The following NRG1 variants were observed in gnomAD, a reference collection of about 807,000 sequenced individuals.
The protein encoded by NRG1 is pro-neuregulin-1, membrane-bound isoform.
NRG1 carries 18 observed loss-of-function variants against 63.8 expected under a neutral mutation model. The observed-to-expected ratio is 0.28, with a 90% CI of 0.19 to 0.42. The LOEUF is 0.42. Among genes scored for constraint, NRG1 ranks in the 10% least tolerant of loss-of-function variants. The pLI is 1.00. For missense variants in NRG1, 762 were observed against 814.7 expected, an observed-to-expected ratio of 0.94 and a Z score of 0.79; for synonymous variants, 302 against 301.3, an observed-to-expected ratio of 1.00 and a Z score of -0.02.
At chr8:32,529,034 A>G (rs1831173763) in intron 1 of NRG1, among the ~76,000 whole-genome samples, 1 of 152,218 alleles carries the variant, frequency 6.6e-6, no homozygotes, top group African/African-American at 2.4e-5. Context: ...TCATTAGGCA[A>G]TTCCCGTCAT....
chr8:31,890,765 C>G (rs928697250), intron 1 of NRG1, among the ~76,000 whole-genome samples: 8 of 152,188 alleles, frequency 5.3e-5, no homozygotes, highest in African/African-American at 1.9e-4. Flanking sequence ...TTTCAATCTG[C>G]ATCTTGAAAA....
intron 1 of NRG1, among the ~76,000 whole-genome samples, chr8:31,869,444 C>G (rs954409121): frequency 6.6e-6 from 1 of 152,202 alleles, no homozygotes; most frequent in Admixed American, 6.5e-5. Context: ...TCCCCACTAG[C>G]ATGCCACTCT....
chr8:32,202,837 T>C (rs915317786), intron 1 of NRG1, among the ~76,000 whole-genome samples: 5 of 150,802 alleles, frequency 3.3e-5, no homozygotes, highest in Admixed American at 2.0e-4. Flanking sequence ...GCCTGGATAT[T>C]GGGGTTTATA....
At chr8:32,699,022 A>G (rs1415923454) in intron 5 of NRG1, among the ~76,000 whole-genome samples, 1 of 152,200 alleles carries the variant, frequency 6.6e-6, no homozygotes, top group African/African-American at 2.4e-5. Flanking sequence ...CACAAGTGCC[A>G]TTATAAATGC....
At chr8:32,225,007 T>C (rs1415112656) in intron 1 of NRG1, among the ~76,000 whole-genome samples, 1 of 152,184 alleles carries the variant, frequency 6.6e-6, no homozygotes, top group Non-Finnish European at 1.5e-5. Flanking sequence ...CGAAATGTCA[T>C]AACAGTGTAA....
chr8:32,335,964 C>G (rs1173675554), intron 1 of NRG1, among the ~76,000 whole-genome samples: 1 of 151,164 alleles, frequency 6.6e-6, no homozygotes, highest in Non-Finnish European at 1.5e-5. Context: ...CATGAAAACA[C>G]ACCTACCCTC....
chr8:32,108,037 A>G (rs1831501269), intron 1 of NRG1, among the ~76,000 whole-genome samples: 1 of 152,138 alleles, frequency 6.6e-6, no homozygotes, highest in South Asian at 2.1e-4. Context: ...TACTATGATT[A>G]TATCTATATG....
chr8:32,279,653 G>C (rs1291818218), intron 1 of NRG1, among the ~76,000 whole-genome samples: 2 of 152,176 alleles, frequency 1.3e-5, no homozygotes, highest in Admixed American at 1.3e-4. Flanking sequence ...GCCCGGCCAA[G>C]GCTCAGAAAG....
At chr8:32,763,333 C>G (rs763854379) in intron 11 of NRG1, 19 of 1,613,908 alleles carry the variant, frequency 1.2e-5, no homozygotes, top group Non-Finnish European at 3.4e-6. Context: ...GGGCTTCATT[C>G]TCTAAGACCC....
At chr8:32,602,133 G>A (rs1414479824) in intron 2 of NRG1, among the ~76,000 whole-genome samples, 1 of 152,080 alleles carries the variant, frequency 6.6e-6, no homozygotes, top group East Asian at 1.9e-4. Context: ...ATGGCCACAT[G>A]TCATGGCTGC....
intron 1 of NRG1, among the ~76,000 whole-genome samples, chr8:31,984,199 A>G (rs1809645481): frequency 6.6e-6 from 1 of 152,162 alleles, no homozygotes; most frequent in African/African-American, 2.4e-5. Context: ...AATATAGAAT[A>G]GGAAATTCTG....
intron 5 of NRG1, among the ~76,000 whole-genome samples, chr8:32,641,673 G>A (rs1031485864): frequency 2.6e-5 from 4 of 152,100 alleles, no homozygotes; most frequent in East Asian, 1.9e-4. Flanking sequence ...ATTGCTCATC[G>A]TGTTACAGAA....
chr8:31,649,385 A>G (rs916758959), intron 1 of NRG1, among the ~76,000 whole-genome samples: 1 of 152,252 alleles, frequency 6.6e-6, no homozygotes, highest in African/African-American at 2.4e-5. Flanking sequence ...CACACATGCT[A>G]TTTTCTACTG....
intron 1 of NRG1, among the ~76,000 whole-genome samples, chr8:31,650,393 C>G (rs1804715843): frequency 6.6e-6 from 1 of 152,180 alleles, no homozygotes. Context: ...AAAGCCTTAT[C>G]TTTCTCACCT....
chr8:32,145,116 GGGTTTAGATATAACCACAT>G (rs1484135168), intron 1 of NRG1, among the ~76,000 whole-genome samples: 1 of 152,110 alleles, frequency 6.6e-6, no homozygotes. Context: ...AAAAAACTAA[GGGTTTAGATATAACCACAT>G]TCAACCACAG....
intron 1 of NRG1, among the ~76,000 whole-genome samples, chr8:31,757,276 C>G (rs1817067344): frequency 6.6e-6 from 1 of 152,066 alleles, no homozygotes; most frequent in Admixed American, 6.6e-5. Flanking sequence ...GTTGCCAGCT[C>G]TGTTTTAAGC....
At chr8:32,051,155 A>AT (rs879268328) in intron 1 of NRG1, among the ~76,000 whole-genome samples, 2 of 151,668 alleles carry the variant, frequency 1.3e-5, no homozygotes, top group Non-Finnish European at 2.9e-5. Flanking sequence ...TTTGTTTCTC[A>AT]TTTTTTTTAA....
At position 32,552,987 on chromosome 8, in the gene NRG1, G is replaced by T. The variant is rs141049992; in HGVS notation, c.100+4161G>T. Among the ~76,000 whole-genome samples, 22 of 152,264 alleles carry T rather than the reference G, an allele frequency of 1.4e-4. No homozygotes were observed. The East Asian group carries it at 3.9e-3, about 27-fold the overall frequency. ...CCAGGCAGTAAAACAGATGTATATT[G>T]TGTATTTTGTCATCCGTCCTTTCGA... is the stretch of plus-strand genomic sequence containing the variant. On this transcript the variant is annotated intron_variant, in intron 1 of 11. Coordinates refer to ENST00000356819, the Ensembl canonical transcript of NRG1.
intron 1 of NRG1, among the ~76,000 whole-genome samples, chr8:31,935,254 C>T (rs996645170): frequency 6.6e-6 from 1 of 151,456 alleles, no homozygotes; most frequent in Non-Finnish European, 1.5e-5. Flanking sequence ...GTAGCTAGGA[C>T]CACAGACACA....
Sources: allele counts gnomAD v4.1 joint callset (sites outside exome capture counted in the v4.1 genomes callset), GRCh38; gene constraint gnomAD v4.1.1; transcripts MANE v1.5; gene names NCBI Gene and HGNC (gene_info 2026-07-23, HGNC 2026-07-21).